The following RSF1 variants were observed in gnomAD, a reference collection of about 807,000 sequenced individuals.
RSF1 encodes the protein remodeling and spacing factor 1, also known as HBV pX-associated protein 8.
In RSF1, 13 loss-of-function variants were observed where a neutral mutation model predicts 145.2. The ratio of observed to expected loss-of-function variants is 0.09; its 90% CI spans 0.06 to 0.14. RSF1 has a LOEUF of 0.14. Among genes scored for constraint, RSF1 ranks in the 10% least tolerant of loss-of-function variants. The pLI is 1.00. For synonymous variants in RSF1, 577 were observed against 592.6 expected (o/e 0.97, Z 0.38); for missense variants, 1,517 against 1,718.2 (o/e 0.88, Z 2.07).
chr11:77,670,096 A>G (rs1188619505), intron 15 of RSF1, among the ~76,000 whole-genome samples: 1 of 152,210 alleles, frequency 6.6e-6, no homozygotes, highest in Non-Finnish European at 1.5e-5. Context: ...ACTGCACGCC[A>G]GCCAGGGTGA....
At chr11:77,831,692 AT>A in the RSF1 span, among the ~76,000 whole-genome samples, 21 of 142,508 alleles carry the variant, frequency 1.5e-4, no homozygotes, top group Admixed American at 1.5e-3. Context: ...TTACTTAGGT[AT>A]CTTTTTTTTT....
At chr11:77,754,913 G>A (rs1948100789) in intron 2 of RSF1, among the ~76,000 whole-genome samples, 1 of 152,124 alleles carries the variant, frequency 6.6e-6, no homozygotes, top group African/African-American at 2.4e-5. Context: ...AGGTTGCAGT[G>A]ATCCAAGATC....
At chr11:77,856,576 C>T in the RSF1 span, among the ~76,000 whole-genome samples, 1 of 152,134 alleles carries the variant, frequency 6.6e-6, no homozygotes, top group Non-Finnish European at 1.5e-5. Flanking sequence ...TTAATTGGCT[C>T]ACGGTTCCAC....
chr11:77,778,767 C>T (rs1393971757), intron 1 of RSF1, among the ~76,000 whole-genome samples: 6 of 152,164 alleles, frequency 3.9e-5, no homozygotes, highest in South Asian at 2.1e-4. Context: ...CTTCTTGAAA[C>T]GTGGACATTC....
Position 77,740,002 on chromosome 11 carries a change from C to T in RSF1, c.578+729G>A, listed in dbSNP as rs1961469039. On this transcript the variant is annotated intron_variant, in intron 4 of 15. Transcript: ENST00000308488. ...CAGAACTCCAATAAAGAAATGTATG[C>T]ACAGCAAATAGAATATATACTGTGT... Among the ~76,000 whole-genome samples the T allele has an allele frequency of 2.6e-5, 4 of 152,172 alleles. No homozygotes were observed. In the South Asian group the frequency reaches 8.3e-4, roughly 32 times the overall value.
intron 1 of RSF1, among the ~76,000 whole-genome samples, chr11:77,817,747 C>T (rs998957102): frequency 6.6e-6 from 1 of 152,216 alleles, no homozygotes; most frequent in South Asian, 2.1e-4. Context: ...CTTCAGAGAA[C>T]AGTTGCAAGG....
the RSF1 span, among the ~76,000 whole-genome samples, chr11:77,827,936 T>C: frequency 2.0e-5 from 3 of 152,082 alleles, no homozygotes; most frequent in Non-Finnish European, 4.4e-5. Context: ...AGATAAATAC[T>C]CAAAAATCCT....
Position 77,805,009 on chromosome 11 carries a change from CAT to C in RSF1, c.187+15517_187+15518del, listed in dbSNP as rs1324320617. On this transcript the variant is annotated intron_variant, in intron 1 of 15. Coordinates refer to ENST00000308488, the MANE Select transcript of RSF1 (RefSeq NM_016578.4). ...AACTAAATCCACACTATATATTAAA[CAT>C]GTGTTTATTTATCTAGAGTGGTATT... Among the ~76,000 whole-genome samples, 70 of 152,242 alleles carry C rather than the reference CAT, an allele frequency of 4.6e-4. 1 individual carries two copies. Among genetic ancestry groups the C allele is most frequent in the African/African-American group, 1.5e-3 (61 of 41,538 alleles).
chr11:77,787,961 T>A (rs191961922), intron 1 of RSF1, among the ~76,000 whole-genome samples: 1 of 150,662 alleles, frequency 6.6e-6, no homozygotes, highest in Admixed American at 6.6e-5. Flanking sequence ...AAACCCCGTC[T>A]CTACTAAAAA....
At chr11:77,741,823 G>C (rs1257960665) in intron 3 of RSF1, among the ~76,000 whole-genome samples, 4 of 152,028 alleles carry the variant, frequency 2.6e-5, no homozygotes, top group Non-Finnish European at 5.9e-5. Context: ...ACTTTTTGTA[G>C]CTTGGGCCAA....
At chr11:77,805,503 T>C (rs1046358488) in intron 1 of RSF1, among the ~76,000 whole-genome samples, 1 of 151,970 alleles carries the variant, frequency 6.6e-6, no homozygotes, top group Non-Finnish European at 1.5e-5. Flanking sequence ...ACTTTACCTA[T>C]AAGACAAAAC....
intron 1 of RSF1, 32 bp from the exon 2 acceptor site, chr11:77,764,721 A>T: frequency 8.4e-7 from 1 of 1,188,806 alleles, no homozygotes; most frequent in Middle Eastern, 2.0e-4. Flanking sequence ...ATCATTAGCC[A>T]ACAAAATAAA....
the RSF1 span, among the ~76,000 whole-genome samples, chr11:77,838,615 C>CTTTT: frequency 1.3e-3 from 171 of 129,328 alleles, 4 homozygotes; most frequent in South Asian, 2.9e-3. Flanking sequence ...ATACAAGTAC[C>CTTTT]TTTTTTTTTT....
At chr11:77,702,969 C>T (rs1399706944) in intron 5 of RSF1, 1 of 152,268 alleles carries the variant, frequency 6.6e-6, no homozygotes, top group East Asian at 1.9e-4. Flanking sequence ...AAGCCCATAT[C>T]CTATTACCCA....
intron 4 of RSF1, 61 bp from the exon 5 acceptor site, chr11:77,725,760 G>T: frequency 1.6e-6 from 2 of 1,273,660 alleles, no homozygotes; most frequent in African/African-American, 1.5e-5. Flanking sequence ...AGAACTTTCT[G>T]AATAATACCA....
chr11:77,696,817 A>G (rs1201901148), intron 7 of RSF1, among the ~76,000 whole-genome samples: 5 of 152,204 alleles, frequency 3.3e-5, no homozygotes, highest in African/African-American at 1.2e-4. Flanking sequence ...TCTTCTCAGC[A>G]TAATTTCAAC....
chr11:77,754,834 C>T (rs1050995335), intron 2 of RSF1, among the ~76,000 whole-genome samples: 5 of 150,314 alleles, frequency 3.3e-5, no homozygotes, highest in South Asian at 4.2e-4. Flanking sequence ...CCTGGTATAG[C>T]GGTACACATC....
chr11:77,752,326 G>A (rs1276755003), intron 2 of RSF1, among the ~76,000 whole-genome samples: 2 of 152,120 alleles, frequency 1.3e-5, no homozygotes, highest in Non-Finnish European at 2.9e-5. Context: ...TTGTTAGCAC[G>A]TATACGGTAA....
Position 77,760,957 on chromosome 11 carries a change from G to C in RSF1, c.279+3641C>G, listed in dbSNP as rs544363012. ...AAACGGAGTCTCGCTCTGTCACCAG[G>C]GTGGAGTGCAGTGGTGCAATCTCGG... On this transcript the variant is annotated intron_variant, in intron 2 of 15. Coordinates refer to ENST00000308488, the MANE Select transcript of RSF1 (RefSeq NM_016578.4). Among the ~76,000 whole-genome samples the C allele has an allele frequency of 1.5e-4, 23 of 152,038 alleles. No homozygotes were observed. In the South Asian group the frequency reaches 4.8e-3, roughly 32 times the overall value.
Sources: gnomAD v4.1 joint callset for allele counts (sites outside exome capture counted in the v4.1 genomes callset) on GRCh38, gnomAD v4.1.1 for gene constraint, MANE v1.5 for transcripts, NCBI Gene and HGNC (gene_info 2026-07-23, HGNC 2026-07-21) for gene names.